SV2C: variants seen among roughly 807,000 people sequenced by gnomAD.
The protein encoded by SV2C is solute carrier family 22 member B3.
Under a neutral mutation model 79.7 loss-of-function variants are expected in SV2C, and 49 were observed. The ratio of observed to expected loss-of-function variants is 0.61; its 90% CI spans 0.49 to 0.78. The LOEUF is 0.78. Among genes scored for constraint, SV2C ranks in the 30% least tolerant of loss-of-function variants. The pLI is 0.00. For synonymous variants in SV2C, 334 were observed against 333.2 expected (o/e 1.00, Z -0.03); for missense variants, 833 against 912.9 (o/e 0.91, Z 1.13).
At chr5:75,983,952 A>G in the SV2C span, among the ~76,000 whole-genome samples, 3 of 152,146 alleles carry the variant, frequency 2.0e-5, no homozygotes, top group East Asian at 5.8e-4. Flanking sequence ...GAGGGAAATA[A>G]GAGACAGATG....
chr5:76,151,650 A>G (rs1318513140), intron 2 of SV2C, among the ~76,000 whole-genome samples: 7 of 152,200 alleles, frequency 4.6e-5, no homozygotes, highest in African/African-American at 1.7e-4. Context: ...GGACCTCCAG[A>G]CCAGGCGTTA....
the SV2C span, among the ~76,000 whole-genome samples, chr5:75,964,669 G>A: frequency 6.6e-6 from 1 of 152,118 alleles, no homozygotes; most frequent in African/African-American, 2.4e-5. Flanking sequence ...TTCTTTACCA[G>A]ATTCTACCAA....
intron 4 of SV2C, among the ~76,000 whole-genome samples, chr5:76,236,262 A>G (rs976519299): frequency 6.7e-6 from 1 of 150,202 alleles, no homozygotes; most frequent in Non-Finnish European, 1.5e-5. Context: ...TAACATGTCC[A>G]TAGTCCTAAA....
chr5:76,099,261 T>G (rs554738598), intron 1 of SV2C, among the ~76,000 whole-genome samples: 1 of 152,270 alleles, frequency 6.6e-6, no homozygotes, highest in South Asian at 2.1e-4. Flanking sequence ...TGCCTAAGAT[T>G]GAAGTGCTAT....
the SV2C span, among the ~76,000 whole-genome samples, chr5:76,027,805 T>C: frequency 3.9e-5 from 6 of 152,348 alleles, no homozygotes; most frequent in East Asian, 1.2e-3. Context: ...TCTTCATTAC[T>C]GAGTCAACAC....
chr5:76,118,736 C>T (rs1347384402), intron 1 of SV2C, among the ~76,000 whole-genome samples: 5 of 152,152 alleles, frequency 3.3e-5, no homozygotes, highest in Non-Finnish European at 7.3e-5. Flanking sequence ...AATCCCAGCA[C>T]TTTGGGAGGC....
At chr5:75,903,933 C>A in the SV2C span, among the ~76,000 whole-genome samples, 80 of 152,296 alleles carry the variant, frequency 5.3e-4, no homozygotes, top group Non-Finnish European at 7.4e-4. Context: ...ACTCAGTTTT[C>A]TACTTGCATT....
intron 2 of SV2C, among the ~76,000 whole-genome samples, chr5:76,172,557 T>A (rs1213543501): frequency 0.046 from 2,005 of 43,636 alleles, no homozygotes; most frequent in African/African-American, 0.048. Flanking sequence ...GCCCAACAGC[T>A]CATTGAGAAC....
chr5:75,887,234 C>G, the SV2C span, among the ~76,000 whole-genome samples: 6 of 151,982 alleles, frequency 3.9e-5, no homozygotes, highest in Non-Finnish European at 8.8e-5. Flanking sequence ...AAAATCTACT[C>G]TTTTAGCTAT....
intron 4 of SV2C, among the ~76,000 whole-genome samples, chr5:76,273,170 T>TATATATATATATAC (rs144534109): frequency 6.0e-4 from 73 of 121,986 alleles, no homozygotes; most frequent in African/African-American, 2.1e-3. Flanking sequence ...TATATATATA[T>TATATATATATATAC]ACACACATAT....
At chr5:76,101,823 G>A (rs188575075) in intron 1 of SV2C, among the ~76,000 whole-genome samples, 2 of 152,114 alleles carry the variant, frequency 1.3e-5, no homozygotes, top group Non-Finnish European at 2.9e-5. Flanking sequence ...ACTTTTTTTG[G>A]TAAATTTATT....
the SV2C span, among the ~76,000 whole-genome samples, chr5:76,063,699 G>C: frequency 6.6e-6 from 1 of 152,122 alleles, no homozygotes; most frequent in Non-Finnish European, 1.5e-5. Context: ...CAATTGAATT[G>C]TCTCATACTC....
At chr5:76,001,469 G>A in the SV2C span, among the ~76,000 whole-genome samples, 1 of 152,016 alleles carries the variant, frequency 6.6e-6, no homozygotes, top group African/African-American at 2.4e-5. Flanking sequence ...TGGCGTGGTG[G>A]TGGGCACCTG....
At chr5:75,916,397 CT>C in the SV2C span, among the ~76,000 whole-genome samples, 1 of 142,768 alleles carries the variant, frequency 7.0e-6, no homozygotes, top group Admixed American at 7.1e-5. Context: ...TCCCCTTCCC[CT>C]TCCTCCTCCT....
At chr5:76,255,806 A>G (rs146315802) in intron 4 of SV2C, among the ~76,000 whole-genome samples, 1,574 of 151,496 alleles carry the variant, frequency 0.01, 18 homozygotes, top group Non-Finnish European at 0.018. Context: ...CTCACCTGAG[A>G]CTCTCATCTC....
chr5:75,878,750 G>C, the SV2C span, among the ~76,000 whole-genome samples: 1 of 152,164 alleles, frequency 6.6e-6, no homozygotes, highest in Non-Finnish European at 1.5e-5. Flanking sequence ...GATTACATGA[G>C]CAGTGCCAGA....
At chr5:76,123,386 C>A (rs566712042) in intron 1 of SV2C, among the ~76,000 whole-genome samples, 26 of 152,296 alleles carry the variant, frequency 1.7e-4, no homozygotes, top group African/African-American at 6.3e-4. Flanking sequence ...ATAAGGCCAG[C>A]ATCATCCTGA....
At chr5:76,071,985 A>T in the SV2C span, among the ~76,000 whole-genome samples, 20 of 152,304 alleles carry the variant, frequency 1.3e-4, no homozygotes, top group South Asian at 4.1e-3. Context: ...GAGGATCCAC[A>T]ACACTTGCTC....
the SV2C span, among the ~76,000 whole-genome samples, chr5:76,038,098 G>A: frequency 1.3e-5 from 2 of 152,238 alleles, no homozygotes; most frequent in Non-Finnish European, 1.5e-5. Flanking sequence ...GCCGTGCTTC[G>A]GCTCACGCAC....
Sources: allele counts gnomAD v4.1 joint callset (sites outside exome capture counted in the v4.1 genomes callset), GRCh38; gene constraint gnomAD v4.1.1; transcripts MANE v1.5; gene names NCBI Gene and HGNC (gene_info 2026-07-23, HGNC 2026-07-21).